Variants in GRB2 observed in about 807,000 individuals in gnomAD.
GRB2 encodes the protein growth factor receptor-bound protein 2.
GRB2 carries 2 observed loss-of-function variants against 27.4 expected under a neutral mutation model. That is an observed-to-expected ratio of 0.07 (90% CI 0.03 to 0.23). The LOEUF is 0.23. GRB2 is among the 10% of genes least tolerant of loss of function. GRB2 has a pLI of 1.00. For missense variants in GRB2, 102 were observed against 282.4 expected, an observed-to-expected ratio of 0.36 and a Z score of 4.58; for synonymous variants, 94 against 99.6, an observed-to-expected ratio of 0.94 and a Z score of 0.33.
chr17:75,383,222 C>T (rs929691871), intron 2 of GRB2, among the ~76,000 whole-genome samples: 3 of 152,116 alleles, frequency 2.0e-5, no homozygotes, highest in Non-Finnish European at 4.4e-5. Context: ...CCCAAAGCTT[C>T]GGTAAACTAC....
chr17:75,324,526 TTTTTTTTTTG>T (rs1398279861), intron 4 of GRB2, among the ~76,000 whole-genome samples: 4 of 96,170 alleles, frequency 4.2e-5, no homozygotes, highest in South Asian at 3.8e-4. Flanking sequence ...TTTTTTTTTT[TTTTTTTTTTG>T]GAGACAGAGT....
intron 2 of GRB2, among the ~76,000 whole-genome samples, chr17:75,335,792 CTT>C (rs1257198335): frequency 6.6e-6 from 1 of 152,144 alleles, no homozygotes; most frequent in Non-Finnish European, 1.5e-5. Context: ...TTGATGAAAA[CTT>C]TCTTCTAGTC....
intron 2 of GRB2, among the ~76,000 whole-genome samples, chr17:75,343,048 T>G (rs1427364554): frequency 2.7e-4 from 1 of 3,764 alleles, no homozygotes; most frequent in African/African-American, 5.6e-4. Context: ...AAACCTTGTC[T>G]CAAAAAAAAA....
intron 2 of GRB2, among the ~76,000 whole-genome samples, chr17:75,379,388 C>A: frequency 8.3e-6 from 1 of 119,798 alleles, no homozygotes; most frequent in African/African-American, 2.7e-5. Context: ...ATAAAGAAGA[C>A]ACTTGATTTC....
At chr17:75,337,892 CTACTACTACTAT>C (rs1216820674) in intron 2 of GRB2, among the ~76,000 whole-genome samples, 76 of 127,642 alleles carry the variant, frequency 6.0e-4, no homozygotes, top group South Asian at 2.6e-3. Context: ...ACTACTACTA[CTACTACTACTAT>C]TATTATTATT....
chr17:75,322,096 G>A (rs780431210), intron 4 of GRB2, among the ~76,000 whole-genome samples: 2 of 152,090 alleles, frequency 1.3e-5, no homozygotes, highest in Non-Finnish European at 2.9e-5. Flanking sequence ...AGTCCAGGCC[G>A]GGTGCGGTGG....
intron 3 of GRB2, 85 bp from the exon 4 acceptor site, chr17:75,326,105 A>C (rs1424637384): frequency 5.3e-6 from 8 of 1,503,142 alleles, no homozygotes; most frequent in Non-Finnish European, 4.6e-6. Context: ...GTAACACAAC[A>C]CTCCTTGCCA....
chr17:75,355,608 TAAA>T (rs772895105), intron 2 of GRB2, among the ~76,000 whole-genome samples: 5 of 125,142 alleles, frequency 4.0e-5, no homozygotes, highest in Non-Finnish European at 5.2e-5. Context: ...CTGATGAGCT[TAAA>T]AAAAAAAAAA....
At chr17:75,322,113 C>T (rs1282678810) in intron 4 of GRB2, among the ~76,000 whole-genome samples, 1 of 152,160 alleles carries the variant, frequency 6.6e-6, no homozygotes, top group East Asian at 1.9e-4. Flanking sequence ...GTGGCTCACA[C>T]CTGTAATCCC....
chr17:75,352,660 T>G (rs2078699944), intron 2 of GRB2, among the ~76,000 whole-genome samples: 1 of 152,184 alleles, frequency 6.6e-6, no homozygotes, highest in South Asian at 2.1e-4. Context: ...AAGATATCCC[T>G]ACTGTTTGCA....
chr17:75,365,021 A>G (rs2078810391), intron 2 of GRB2, among the ~76,000 whole-genome samples: 1 of 152,180 alleles, frequency 6.6e-6, no homozygotes, highest in Admixed American at 6.5e-5. Flanking sequence ...CCTAACACCC[A>G]AACTTCTAAT....
At chr17:75,362,826 T>C (rs2078793208) in intron 2 of GRB2, among the ~76,000 whole-genome samples, 1 of 152,128 alleles carries the variant, frequency 6.6e-6, no homozygotes, top group Non-Finnish European at 1.5e-5. Context: ...GCCCCCCACC[T>C]CCAGCCAAGC....
intron 2 of GRB2, among the ~76,000 whole-genome samples, chr17:75,369,268 T>G (rs1473703979): frequency 6.6e-6 from 1 of 152,134 alleles, no homozygotes; most frequent in Non-Finnish European, 1.5e-5. Context: ...CCCTAGACAT[T>G]CCTAACCTAG....
At chr17:75,335,641 C>G (rs1342207267) in intron 2 of GRB2, among the ~76,000 whole-genome samples, 1 of 152,184 alleles carries the variant, frequency 6.6e-6, no homozygotes, top group Non-Finnish European at 1.5e-5. Flanking sequence ...GTGCCAGACA[C>G]TGGGTTTCAA....
intron 2 of GRB2, among the ~76,000 whole-genome samples, chr17:75,341,433 C>T (rs2078620062): frequency 8.7e-6 from 1 of 115,494 alleles, no homozygotes; most frequent in Admixed American, 1.1e-4. Flanking sequence ...GCCTGGGTGA[C>T]AGAGTGACTC....
chr17:75,325,011 G>C (rs2078489181), intron 4 of GRB2, among the ~76,000 whole-genome samples: 2 of 152,176 alleles, frequency 1.3e-5, no homozygotes, highest in South Asian at 4.1e-4. Flanking sequence ...GGGAGGTGGA[G>C]GTTGCAGTGA....
At chr17:75,392,234 T>C (rs1305253587) in intron 2 of GRB2, among the ~76,000 whole-genome samples, 1 of 152,192 alleles carries the variant, frequency 6.6e-6, no homozygotes, top group Non-Finnish European at 1.5e-5. Flanking sequence ...TTCTAGAAAA[T>C]GGTTCCGTCT....
At chr17:75,352,307 G>A (rs781147505) in intron 2 of GRB2, among the ~76,000 whole-genome samples, 8 of 152,150 alleles carry the variant, frequency 5.3e-5, no homozygotes, top group Non-Finnish European at 1.2e-4. Context: ...GCACCTACAC[G>A]CTGCTCCATG....
At position 75,326,058 on chromosome 17, in the gene GRB2, C is replaced by T. The variant is rs745984171; in HGVS notation, c.177-38G>A. The T allele has an allele frequency of 3.1e-6, 5 of 1,612,824 alleles. No individual in the cohort carries two copies. In the Admixed American group the frequency reaches 8.3e-5, roughly 27 times the overall value. ...GGCAAGCTGGTCAACATCTGCTTCC[C>T]CACAAAGAAACGGGATATCCAGCCT... On this transcript the variant is annotated intron_variant, in intron 3 of 5. Transcript: ENST00000316804.
Sources: allele counts gnomAD v4.1 joint callset (sites outside exome capture counted in the v4.1 genomes callset), GRCh38; gene constraint gnomAD v4.1.1; transcripts MANE v1.5; gene names NCBI Gene and HGNC (gene_info 2026-07-23, HGNC 2026-07-21).